RTN1: variants seen among roughly 807,000 people sequenced by gnomAD.
The protein encoded by RTN1 is reticulon 1.
In RTN1, 25 loss-of-function variants were observed where a neutral mutation model predicts 65.5. That is an observed-to-expected ratio of 0.38 (90% CI 0.28 to 0.53). RTN1 has a LOEUF of 0.53. Among genes scored for constraint, RTN1 ranks in the 20% least tolerant of loss-of-function variants. The probability of loss-of-function intolerance (pLI) is 0.79; values close to 1 mark genes in which losing one functional copy is unlikely to be tolerated. For missense variants in RTN1, 983 were observed against 1,025.4 expected, an observed-to-expected ratio of 0.96 and a Z score of 0.57; for synonymous variants, 471 against 447.6, an observed-to-expected ratio of 1.05 and a Z score of -0.66.
chr14:59,814,085 A>C (rs2139616638), intron 1 of RTN1, among the ~76,000 whole-genome samples: 1 of 152,286 alleles, frequency 6.6e-6, no homozygotes, highest in South Asian at 2.1e-4. Flanking sequence ...CTTTCCACAA[A>C]GCCTTATTTG....
At chr14:59,649,769 T>C (rs1237233589) in intron 3 of RTN1, among the ~76,000 whole-genome samples, 1 of 152,148 alleles carries the variant, frequency 6.6e-6, no homozygotes, top group East Asian at 1.9e-4. Context: ...GGTGAGGATG[T>C]GGAGAAATAG....
intron 1 of RTN1, among the ~76,000 whole-genome samples, chr14:59,748,702 G>A (rs1260570436): frequency 6.6e-6 from 1 of 152,044 alleles, no homozygotes; most frequent in African/African-American, 2.4e-5. Context: ...AGGAATTTCT[G>A]ACTATTTTGC....
chr14:59,672,625 CTTTT>C (rs71111662), intron 3 of RTN1, among the ~76,000 whole-genome samples: 3 of 79,086 alleles, frequency 3.8e-5, no homozygotes, highest in Non-Finnish European at 7.6e-5. Context: ...CAAGATATTT[CTTTT>C]TTTTTTTTTT....
intron 1 of RTN1, among the ~76,000 whole-genome samples, chr14:59,765,425 T>C (rs1266229480): frequency 2.0e-5 from 3 of 152,234 alleles, no homozygotes; most frequent in African/African-American, 7.2e-5. Flanking sequence ...GACAGAAATG[T>C]TGATGCTTTG....
At chr14:59,841,717 A>AAC (rs1566744431) in intron 1 of RTN1, among the ~76,000 whole-genome samples, 1 of 112,632 alleles carries the variant, frequency 8.9e-6, no homozygotes, top group Non-Finnish European at 1.8e-5. Flanking sequence ...AAAAAAAAAC[A>AAC]AAAAAAAAAA....
At chr14:59,597,713 A>C (rs1015883379) in intron 8 of RTN1, among the ~76,000 whole-genome samples, 2 of 152,218 alleles carry the variant, frequency 1.3e-5, no homozygotes, top group Non-Finnish European at 2.9e-5. Context: ...TGAGGGGCAC[A>C]GTGGTAAGGT....
intron 1 of RTN1, among the ~76,000 whole-genome samples, chr14:59,851,721 G>T (rs1887511606): frequency 6.6e-6 from 1 of 152,018 alleles, no homozygotes; most frequent in Non-Finnish European, 1.5e-5. Flanking sequence ...GCTGGGTGTG[G>T]TGGCAAGCGC....
At chr14:59,824,051 C>T (rs1195631151) in intron 1 of RTN1, among the ~76,000 whole-genome samples, 1 of 152,108 alleles carries the variant, frequency 6.6e-6, no homozygotes, top group Non-Finnish European at 1.5e-5. Flanking sequence ...CTTAAGTTTC[C>T]TCATATGTCA....
intron 2 of RTN1, among the ~76,000 whole-genome samples, chr14:59,745,471 A>T (rs1177431386): frequency 1.3e-5 from 2 of 152,112 alleles, no homozygotes; most frequent in African/African-American, 2.4e-5. Flanking sequence ...GAAAAAAAAA[A>T]TTTTACAAAG....
At chr14:59,610,298 T>A in intron 3 of RTN1, 1 of 588,132 alleles carries the variant, frequency 1.7e-6, no homozygotes, top group Non-Finnish European at 3.0e-6. Context: ...AGCAGATCTT[T>A]CAATTACTTG....
chr14:59,726,434 G>C (rs1174372698), intron 3 of RTN1, among the ~76,000 whole-genome samples: 1 of 152,206 alleles, frequency 6.6e-6, no homozygotes, highest in Admixed American at 6.5e-5. Flanking sequence ...CCTTGGGTAA[G>C]AGAAAGGATG....
chr14:59,820,323 TCTCCCA>T (rs1886918420), intron 1 of RTN1, among the ~76,000 whole-genome samples: 1 of 151,096 alleles, frequency 6.6e-6, no homozygotes, highest in Non-Finnish European at 1.5e-5. Context: ...GTGAATACTT[TCTCCCA>T]TTCTGTAGGC....
At chr14:59,835,723 T>C (rs1442872494) in intron 1 of RTN1, among the ~76,000 whole-genome samples, 1 of 152,208 alleles carries the variant, frequency 6.6e-6, no homozygotes, top group Admixed American at 6.5e-5. Context: ...ATTATTTAAT[T>C]ATGTTAAGGC....
intron 1 of RTN1, among the ~76,000 whole-genome samples, chr14:59,750,744 G>A (rs1482617344): frequency 1.4e-5 from 1 of 73,254 alleles, no homozygotes; most frequent in Non-Finnish European, 2.4e-5. Context: ...ACAGAGTCTT[G>A]CTCTGTCACC....
At chr14:59,617,896 C>A (rs1437562503) in intron 3 of RTN1, among the ~76,000 whole-genome samples, 1 of 152,226 alleles carries the variant, frequency 6.6e-6, no homozygotes, top group Non-Finnish European at 1.5e-5. Flanking sequence ...CCCACTACAT[C>A]CCCTGTCAGC....
intron 3 of RTN1, among the ~76,000 whole-genome samples, chr14:59,637,069 A>C (rs556585849): frequency 6.6e-6 from 1 of 152,350 alleles, no homozygotes; most frequent in East Asian, 1.9e-4. Context: ...TGTAGCACAC[A>C]ATGTTGTTCG....
intron 3 of RTN1, among the ~76,000 whole-genome samples, chr14:59,651,614 T>C (rs1460286364): frequency 6.6e-6 from 1 of 152,104 alleles, no homozygotes; most frequent in Non-Finnish European, 1.5e-5. Flanking sequence ...AGCAGGCACC[T>C]GTAATCCCAG....
intron 1 of RTN1, among the ~76,000 whole-genome samples, chr14:59,751,591 G>A (rs1183916933): frequency 1.3e-5 from 2 of 152,136 alleles, no homozygotes; most frequent in Non-Finnish European, 2.9e-5. Context: ...CTGGAGAGGT[G>A]GGGAGTGAGA....
intron 8 of RTN1, among the ~76,000 whole-genome samples, chr14:59,598,442 C>A (rs1265006911): frequency 6.6e-6 from 1 of 152,138 alleles, no homozygotes; most frequent in Non-Finnish European, 1.5e-5. Context: ...TTTAGAGAAA[C>A]CTTACATAAA....
Sources: allele counts gnomAD v4.1 joint callset (sites outside exome capture counted in the v4.1 genomes callset), GRCh38; gene constraint gnomAD v4.1.1; transcripts MANE v1.5; gene names NCBI Gene and HGNC (gene_info 2026-07-23, HGNC 2026-07-21).